The following BAAT variants were observed in gnomAD, a reference collection of about 807,000 sequenced individuals.
BAAT encodes the protein bile acid CoA: amino acid N-acyltransferase (glycine N-choloyltransferase).
BAAT carries 13 observed loss-of-function variants against 18.9 expected under a neutral mutation model. The observed-to-expected ratio is 0.69, with a 90% confidence interval of 0.45 to 1.10. The LOEUF (loss-of-function observed/expected upper bound fraction) is 1.10, where lower values mean the gene tolerates loss of function less well. BAAT is among the 50% of genes least tolerant of loss of function. The pLI is 0.00. For missense variants in BAAT, 489 were observed against 504.0 expected (o/e 0.97, Z 0.28); for synonymous variants, 170 against 190.7 (o/e 0.89, Z 0.89).
rs971588366 is a variant in BAAT, at chr9:101,361,185, G to C, written c.*1243C>G. ...AAAAGTGGGTGGATGATGGAGATCAGAATGATCCATCTCAATGAGATGAAT... is the reference window on the plus strand; with the variant it reads ...AAAAGTGGGTGGATGATGGAGATCACAATGATCCATCTCAATGAGATGAAT... On this transcript the variant is annotated 3_prime_UTR_variant, in exon 4 of 4. Transcript: ENST00000259407. 3 of 154,970 alleles carry C rather than the reference G, an allele frequency of 1.9e-5. No individual in the cohort carries two copies. The highest frequency in any genetic ancestry group is 7.2e-5 in the African/African-American group (3 of 41,522). The allele number at this position is 154,970 out of a possible 1,614,324, so 9.6% of individuals were successfully genotyped here. A position where few individuals can be genotyped will look rare whatever the true frequency, so the allele number is the denominator to read the frequency against.
rs1564058407 is a variant in BAAT at position 101,377,293 on chromosome 9, T to C, written c.-59-5830A>G. On this transcript the variant is annotated intron_variant, in intron 1 of 3. Transcript: ENST00000259407. ...ATCAGTTTTCTATATTTACACCAGA[T>C]TGGGGAAGTTTCAAAAATCAGAAGG... Among the ~76,000 whole-genome samples the C allele has an allele frequency of 5.9e-5, 9 of 152,178 alleles. No homozygotes were observed. In the South Asian group the frequency reaches 1.9e-3, roughly 32 times the overall value.
Position 101,384,565 on chromosome 9 carries a change from C to G in BAAT, c.-60+290G>C, listed in dbSNP as rs138953271. 4.8e-3 allele frequency among the ~76,000 whole-genome samples: 725 copies of G among 152,158 alleles called. 6 individuals carry two copies. Among genetic ancestry groups the G allele is most frequent in the African/African-American group, 0.016 (682 of 41,540 alleles). On this transcript the variant is annotated intron_variant, in intron 1 of 3. Transcript: ENST00000259407. ...ATTGGACATTGTCTAATAAATGTGACAATATGAATAACTTTTGACCCAGCA... is the reference window on the plus strand; with the variant it reads ...ATTGGACATTGTCTAATAAATGTGAGAATATGAATAACTTTTGACCCAGCA...
At chr9:101,382,825 C>T (rs1256712821) in intron 1 of BAAT, among the ~76,000 whole-genome samples, 1 of 152,178 alleles carries the variant, frequency 6.6e-6, no homozygotes, top group Non-Finnish European at 1.5e-5. Context: ...CGTGCCCAAA[C>T]AGAAATAAGT....
intron 3 of BAAT, among the ~76,000 whole-genome samples, chr9:101,365,777 G>T (rs926424248): frequency 6.6e-6 from 1 of 151,958 alleles, no homozygotes; most frequent in African/African-American, 2.4e-5. Flanking sequence ...CAGGTGATCT[G>T]CCCACCTCGG....
In BAAT at chr9:101,368,436, AAAT is replaced by A. The variant is rs1400798061; in HGVS notation, c.467-117_467-115del. The A allele has an allele frequency of 3.1e-6, 3 of 974,120 alleles. No individual in the cohort carries two copies. In the African/African-American group the frequency reaches 5.0e-5, roughly 16 times the overall value. The allele number at this position is 974,120 out of a possible 1,614,324, so 60.3% of individuals were successfully genotyped here. ...TTAGATAATAAAAGATAAAATAAAT[AAAT>A]AAAAGATAATAAAAACATGAGAACA... On this transcript the variant is annotated intron_variant, in intron 2 of 3. Transcript: ENST00000259407.
chr9:101,375,850 T>A (rs536458723), intron 1 of BAAT: 1 of 152,542 alleles, frequency 6.6e-6, no homozygotes, highest in South Asian at 2.1e-4. Context: ...TTTTCTCCTT[T>A]TTGCCCAATA....
intron 3 of BAAT, 150 bp downstream of exon 3, chr9:101,367,970 T>C (rs1829859727): frequency 6.4e-6 from 5 of 777,158 alleles, no homozygotes; most frequent in Non-Finnish European, 1.1e-5. Flanking sequence ...CACATTGTAG[T>C]ATCAAAAGGC....
In BAAT at chr9:101,368,152, C is replaced by T. The variant is rs150050930; in HGVS notation, c.637G>A (p.Glu213Lys). 1 of 1,614,156 alleles carries T rather than the reference C, an allele frequency of 6.2e-7. No individual in the cohort carries two copies. Among genetic ancestry groups the T allele is most frequent in the Non-Finnish European group, 8.5e-7 (1 of 1,180,010 alleles). Residue 213 changes from glutamate to lysine, a missense_variant, in exon 3 of 4, where the codon GAG becomes AAG. By Grantham distance (56) the Glu-to-Lys change is moderately conservative (BLOSUM62 1). Transcript: ENST00000259407. ...TGTCTCAGGAGAAAGTTGGCAGCCT[C>T]CTCAAAATATTCCAAATCTGTTACT... is the stretch of plus-strand genomic sequence containing the variant. ...PEVTDLEYFE[E>K]AANFLLRHPK...
In BAAT at chr9:101,371,028, A is replaced by C. The variant is rs747547852; in HGVS notation, c.377T>G (p.Leu126Arg). ...TGCCACATACCACCTCTCCAAAGTC[A>C]GGCTGGCCTTTGGAGCACTGGCAAC... ...NKVASAPKAS[L>R]TLERWYVAPG... Residue 126 changes from leucine (L) to arginine (R), a missense_variant, in exon 2 of 4, where the codon CTG (leucine) becomes CGG (arginine). By Grantham distance (102) the Leu-to-Arg change is moderately radical. Coordinates refer to ENST00000259407, the MANE Select transcript of BAAT (RefSeq NM_001701.4). 1 of 1,614,122 alleles carries C rather than the reference A, an allele frequency of 6.2e-7. No individual in the cohort carries two copies. Among genetic ancestry groups the C allele is most frequent in the Admixed American group, 1.7e-5 (1 of 59,996 alleles).
At chr9:101,377,431 G>A (rs1382013302) in intron 1 of BAAT, among the ~76,000 whole-genome samples, 2 of 152,182 alleles carry the variant, frequency 1.3e-5, no homozygotes, top group African/African-American at 4.8e-5. Flanking sequence ...CTCCTTGCTG[G>A]GAACCCAGAG....
intron 1 of BAAT, 52 bp from the exon 2 acceptor site, chr9:101,371,515 A>G: frequency 8.9e-7 from 1 of 1,120,008 alleles, no homozygotes; most frequent in Admixed American, 2.0e-5. Context: ...ATAAGGGTTG[A>G]TGAAAGGTGA....
chr9:101,367,741 C>T (rs1588140337), intron 3 of BAAT, among the ~76,000 whole-genome samples: 6 of 152,280 alleles, frequency 3.9e-5, no homozygotes, highest in Admixed American at 3.9e-4. Context: ...CCATCTTGGC[C>T]TCCCAGAGTG....
chr9:101,365,697 C>T (rs1016695100), intron 3 of BAAT, among the ~76,000 whole-genome samples: 7 of 151,966 alleles, frequency 4.6e-5, no homozygotes, highest in Admixed American at 2.6e-4. Flanking sequence ...CCACACCTGG[C>T]TAATTTTTGT....
rs982907613 is a variant in BAAT at position 101,384,970 on chromosome 9, C to T, written c.-175G>A. Among the ~76,000 whole-genome samples the T allele has an allele frequency of 2.6e-5, 4 of 151,774 alleles. No individual in the cohort carries two copies. The highest frequency in any genetic ancestry group is 9.7e-5 in the African/African-American group (4 of 41,284). On this transcript the variant is annotated 5_prime_UTR_variant, in exon 1 of 4. Transcript: ENST00000259407. The stretch of plus-strand genomic sequence containing the variant: ...AGAGAGGAATTTACAGCTGGGCCTC[C>T]GGGGGTGATGTCACATATCAGCAGG...
Position 101,362,308 on chromosome 9 carries a change from T to C in BAAT, c.*120A>G. On this transcript the variant is annotated 3_prime_UTR_variant, in exon 4 of 4. Coordinates refer to ENST00000259407, the MANE Select transcript of BAAT (RefSeq NM_001701.4). ...GGTTTTTACCCTATGCTCTTTTTAA[T>C]CATTAAAATTAATACAAAATGTGTG... 9.2e-7 allele frequency: 1 copy of C among 1,089,246 alleles called. No individual in the cohort carries two copies. Among genetic ancestry groups the C allele is most frequent in the Non-Finnish European group, 1.3e-6 (1 of 746,214 alleles). The allele number at this position is 1,089,246 out of a possible 1,614,324, so 67.5% of individuals were successfully genotyped here.
chr9:101,368,043 C>A, intron 3 of BAAT, 77 bp downstream of exon 3: 2 of 1,469,412 alleles, frequency 1.4e-6, no homozygotes, highest in Non-Finnish European at 1.9e-6. Context: ...CGGAGCAAGA[C>A]CCTGTCTTTT....
At position 101,368,333 on chromosome 9, in the gene BAAT, A is replaced by G. The variant is rs962276251; in HGVS notation, c.467-11T>C. 6.2e-7 allele frequency: 1 copy of G among 1,609,708 alleles called. No individual in the cohort carries two copies. Among genetic ancestry groups the G allele is most frequent in the Non-Finnish European group, 8.5e-7 (1 of 1,178,496 alleles). The stretch of plus-strand genomic sequence containing the variant: ...GGAAGAGACCCTCTCCTGAAAAATA[A>G]CAAAACAGAATTGTACATGAAGAGA... On this transcript the variant is annotated splice_polypyrimidine_tract_variant and intron_variant, in intron 2 of 3. Coordinates refer to ENST00000259407, the MANE Select transcript of BAAT (RefSeq NM_001701.4).
At position 101,361,275 on chromosome 9, in the gene BAAT, T is replaced by C. The variant is rs1829717608; in HGVS notation, c.*1153A>G. ...ACTATATTCCTCAAGGATACTGCAT[T>C]TGGACATAATACAAATTGGCAGTTT... On this transcript the variant is annotated 3_prime_UTR_variant, in exon 4 of 4. Coordinates refer to ENST00000259407, the MANE Select transcript of BAAT (RefSeq NM_001701.4). The C allele has an allele frequency of 6.5e-6, 1 of 154,158 alleles. No individual in the cohort carries two copies. Among genetic ancestry groups the C allele is most frequent in the Non-Finnish European group, 1.5e-5 (1 of 68,186 alleles). The allele number at this position is 154,158 out of a possible 1,614,324, so 9.5% of individuals were successfully genotyped here. A position where few individuals can be genotyped will look rare whatever the true frequency, so the allele number is the denominator to read the frequency against.
intron 3 of BAAT, among the ~76,000 whole-genome samples, chr9:101,365,361 G>A (rs570361301): frequency 3.3e-5 from 5 of 151,738 alleles, no homozygotes; most frequent in Non-Finnish European, 7.4e-5. Context: ...TGATGAAAAT[G>A]TGAGAAATTC....
Sources: gnomAD v4.1 joint callset for allele counts (sites outside exome capture counted in the v4.1 genomes callset) on GRCh38, gnomAD v4.1.1 for gene constraint, MANE v1.5 for transcripts, NCBI Gene and HGNC (gene_info 2026-07-23, HGNC 2026-07-21) for gene names.